RBPJL: variants seen among roughly 807,000 people sequenced by gnomAD.
RBPJL encodes the protein recombining binding protein suppressor of hairless-like protein.
A neutral mutation model predicts 57.6 loss-of-function variants in RBPJL; 50 were observed. The observed-to-expected ratio is 0.87, with a 90% CI of 0.69 to 1.10. The LOEUF (loss-of-function observed/expected upper bound fraction) is 1.10, where lower values mean the gene tolerates loss of function less well. Ranked by LOEUF, RBPJL falls within the 50% of genes least tolerant of loss-of-function variation. The probability of loss-of-function intolerance (pLI) is 0.00; values close to 1 mark genes in which losing one functional copy is unlikely to be tolerated. For synonymous variants in RBPJL, 303 were observed against 294.4 expected (o/e 1.03, Z -0.30); for missense variants, 684 against 693.7 (o/e 0.99, Z 0.16).
chr20:45,307,873 C>T (rs535626672), intron 1 of RBPJL, among the ~76,000 whole-genome samples: 14 of 152,112 alleles, frequency 9.2e-5, no homozygotes, highest in African/African-American at 3.4e-4. Context: ...CAGAGATGCC[C>T]TGAGGTGAGG....
rs1261250467 is a variant in RBPJL, at chr20:45,316,535, G to A, written c.1235G>A (p.Gly412Glu). The A allele has an allele frequency of 1.3e-6, 2 of 1,539,826 alleles. No individual in the cohort carries two copies. Among genetic ancestry groups the A allele is most frequent in the South Asian group, 2.4e-5 (2 of 82,470 alleles). Reference protein sequence around the residue: ...LELHGENFHAGLKVWFGDVEA... With the variant: ...LELHGENFHAELKVWFGDVEA... ...CTCCACGGAGAGAACTTCCACGCGG[G>A]GCTCAAGGTGTGGTTTGGGGACGTG... is the stretch of plus-strand genomic sequence containing the variant. The change falls in exon 11 of 12, where the codon GGG (glycine) becomes GAG (glutamate). Residue 412 changes from glycine to glutamate, a missense_variant. Coordinates refer to ENST00000343694, the MANE Select transcript of RBPJL (RefSeq NM_014276.4).
At position 45,316,213 on chromosome 20, in the gene RBPJL, C is replaced by G. The variant is rs573677928; in HGVS notation, c.1047C>G (p.Asn349Lys). The G allele has an allele frequency of 5.0e-6, 8 of 1,614,214 alleles. No individual in the cohort carries two copies. In the South Asian group the frequency reaches 8.8e-5, roughly 18 times the overall value. Reference protein sequence around the residue: ...FQASPCPKEANRALLNDSSCW... With the variant: ...FQASPCPKEAKRALLNDSSCW... Reference sequence around the variant, plus strand: ...CCTCTCCCTGCCCCAAGGAGGCGAACAGGGCTCTGCTTAACGACAGCTCTT... The same window carrying G: ...CCTCTCCCTGCCCCAAGGAGGCGAAGAGGGCTCTGCTTAACGACAGCTCTT... Residue 349 changes from asparagine (N) to lysine (K), a missense_variant, in exon 10 of 12, where the codon AAC (asparagine) becomes AAG (lysine). Asn to Lys is a moderately conservative substitution (Grantham distance 94, BLOSUM62 0). Coordinates refer to ENST00000343694, the MANE Select transcript of RBPJL (RefSeq NM_014276.4).
At chr20:45,308,029 G>A in intron 1 of RBPJL, 114 bp from the exon 2 acceptor site, 1 of 686,376 alleles carries the variant, frequency 1.5e-6, no homozygotes, top group Non-Finnish European at 2.6e-6. Context: ...GGCTCGATTT[G>A]GAAAGGACCC....
chr20:45,314,672 C>A, intron 9 of RBPJL, 107 bp downstream of exon 9: 1 of 1,057,204 alleles, frequency 9.5e-7, no homozygotes, highest in Non-Finnish European at 1.4e-6. Context: ...TCCTGAGCAG[C>A]CTCCCATGGA....
In RBPJL at chr20:45,313,486, C is replaced by A. The variant is rs1369759225; in HGVS notation, c.638C>A (p.Ser213Ter). ...CTCACAGTGTGCATATCCTCCGGCTCAAAGGTCTCCCTCTTCAACCGCCTG... is the reference window on the plus strand; with the variant it reads ...CTCACAGTGTGCATATCCTCCGGCTAAAAGGTCTCCCTCTTCAACCGCCTG... ...KNTDLCISSG[S>*]KVSLFNRLRS... Residue 213 changes from serine to a stop codon, truncating the protein, a stop_gained, in exon 7 of 12, where the codon TCA becomes TAA. Transcript: ENST00000343694. LOFTEE classifies it high-confidence loss of function. The A allele has an allele frequency of 6.2e-7, 1 of 1,613,026 alleles. No homozygotes were observed. Among genetic ancestry groups the A allele is most frequent in the Non-Finnish European group, 8.5e-7 (1 of 1,179,672 alleles).
At chr20:45,308,037 C>A in intron 1 of RBPJL, 106 bp from the exon 2 acceptor site, 1 of 715,600 alleles carries the variant, frequency 1.4e-6, no homozygotes, top group Non-Finnish European at 2.5e-6. Context: ...TTGGAAAGGA[C>A]CCTGCAGAAG....
At chr20:45,313,318 CACCCTCACTCTA>C (rs1183287264) in intron 6 of RBPJL, 138 bp from the exon 7 acceptor site, 10 of 546,396 alleles carry the variant, frequency 1.8e-5, no homozygotes, top group Non-Finnish European at 3.1e-5. Flanking sequence ...TCCTTACCCT[CACCCTCACTCTA>C]ACCCTCACCC....
At position 45,314,230 on chromosome 20, in the gene RBPJL, G is replaced by A. The variant is rs1036032448; in HGVS notation, c.867+86G>A. ...CACACGGGCAGGGCTGGAGAGTGAGGCCCCAAGGCATGGAGACACCTGTTC... is the reference window on the plus strand; with the variant it reads ...CACACGGGCAGGGCTGGAGAGTGAGACCCCAAGGCATGGAGACACCTGTTC... On this transcript the variant is annotated intron_variant, in intron 8 of 11. Transcript: ENST00000343694. 8.2e-6 allele frequency: 11 copies of A among 1,338,934 alleles called. No individual in the cohort carries two copies. The Admixed American group carries it at 1.7e-4, about 21-fold the overall frequency. The allele number at this position is 1,338,934 out of a possible 1,614,324, so 82.9% of individuals were successfully genotyped here.
Position 45,316,169 on chromosome 20 carries a change from C to T in RBPJL, c.1021-18C>T, listed in dbSNP as rs1193481262. ...ACCATGAGAAGCTTCGGCCTCGTCC[C>T]CTTGGGTCTCCTCCCAGGCCTCTCC... On this transcript the variant is annotated intron_variant, in intron 9 of 11. Coordinates refer to ENST00000343694, the MANE Select transcript of RBPJL (RefSeq NM_014276.4). 6.2e-7 allele frequency: 1 copy of T among 1,610,020 alleles called. No homozygotes were observed. The highest frequency in any genetic ancestry group is 1.1e-5 in the South Asian group (1 of 91,024).
In RBPJL at chr20:45,312,245, T is replaced by C; in HGVS notation, c.469T>C (p.Tyr157His). The C allele has an allele frequency of 2.5e-6, 4 of 1,614,230 alleles. No homozygotes were observed. Among genetic ancestry groups the C allele is most frequent in the Non-Finnish European group, 3.4e-6 (4 of 1,180,026 alleles). Residue 157 changes from tyrosine to histidine, a missense_variant, in exon 6 of 12, where the codon TAC (tyrosine) becomes CAC (histidine). Tyr to His is a moderately conservative substitution (Grantham distance 83). Coordinates refer to ENST00000343694, the MANE Select transcript of RBPJL (RefSeq NM_014276.4). Reference protein sequence around the residue: ...SREFGCAKTLYISDADKRKHF... With the variant: ...SREFGCAKTLHISDADKRKHF... ...GGAATTCGGCTGCGCCAAGACCCTGTACATCTCAGATGCAGACAAGAGGAA... is the reference window on the plus strand; with the variant it reads ...GGAATTCGGCTGCGCCAAGACCCTGCACATCTCAGATGCAGACAAGAGGAA...
chr20:45,308,431 C>G, intron 2 of RBPJL, 180 bp downstream of exon 2: 1 of 587,192 alleles, frequency 1.7e-6, no homozygotes, highest in South Asian at 2.0e-5. Context: ...CCCAGCACCC[C>G]CTGCTCCTAC....
intron 7 of RBPJL, 144 bp downstream of exon 7, chr20:45,313,749 G>T: frequency 1.1e-6 from 1 of 900,278 alleles, no homozygotes; most frequent in Non-Finnish European, 1.6e-6. Flanking sequence ...CAGTCCCAGT[G>T]AGCTGGTGAC....
chr20:45,311,780 C>A, intron 4 of RBPJL, 59 bp from the exon 5 acceptor site: 1 of 1,532,844 alleles, frequency 6.5e-7, no homozygotes, highest in Non-Finnish European at 8.9e-7. Flanking sequence ...GAGCGCTAAG[C>A]TTGCCTGGCA....
chr20:45,312,586 G>A (rs2072793), intron 6 of RBPJL, among the ~76,000 whole-genome samples, 191 bp downstream of exon 6: 78,328 of 151,756 alleles, frequency 0.52, 21,206 homozygotes, highest in African/African-American at 0.65. Flanking sequence ...AGAAGAGTTG[G>A]AGGATGAAAA....
At chr20:45,311,415 G>C (rs1460016276) in intron 3 of RBPJL, among the ~76,000 whole-genome samples, 174 bp from the exon 4 acceptor site, 1 of 152,078 alleles carries the variant, frequency 6.6e-6, no homozygotes, top group African/African-American at 2.4e-5. Context: ...TGAATGAGGG[G>C]TGTAAAAACA....
chr20:45,308,024 G>A (rs892697342), intron 1 of RBPJL, 119 bp from the exon 2 acceptor site: 21 of 656,702 alleles, frequency 3.2e-5, no homozygotes, highest in East Asian at 1.3e-4. Flanking sequence ...GTGGGGGCTC[G>A]ATTTGGAAAG....
chr20:45,306,970 C>A, intron 1 of RBPJL, 26 bp downstream of exon 1: 1 of 1,247,310 alleles, frequency 8.0e-7, no homozygotes, highest in Admixed American at 4.2e-5. Context: ...CCCGAGGCCC[C>A]GGAGACGCCC....
At chr20:45,313,129 G>A (rs1987273378) in intron 6 of RBPJL, among the ~76,000 whole-genome samples, 1 of 152,180 alleles carries the variant, frequency 6.6e-6, no homozygotes, top group Non-Finnish European at 1.5e-5. Context: ...GCTGTGAACT[G>A]GGAATGCCCA....
In RBPJL at chr20:45,314,514, AG is replaced by A. The variant is rs1555858750; in HGVS notation, c.974del (p.Gly325ValfsTer67). The A allele has an allele frequency of 6.2e-7, 1 of 1,614,138 alleles. No homozygotes were observed. Among genetic ancestry groups the A allele is most frequent in the African/African-American group, 1.3e-5 (1 of 75,064 alleles). ...AFQFPGSPPGGGGTYLCLATE... is the reference protein window; with the variant it reads ...AFQFPGSPPGXGGTYLCLATE... ...TCCAGTTTCCAGGCAGTCCCCCAGG[AG>A]GGGGTGGCACCTACTTATGCCTTGC... is the stretch of plus-strand genomic sequence containing the variant. On this transcript the variant is annotated frameshift_variant, in exon 9 of 12. Transcript: ENST00000343694. LOFTEE classifies it high-confidence loss of function.
Sources: allele counts gnomAD v4.1 joint callset (sites outside exome capture counted in the v4.1 genomes callset), GRCh38; gene constraint gnomAD v4.1.1; transcripts MANE v1.5; gene names NCBI Gene and HGNC (gene_info 2026-07-23, HGNC 2026-07-21).